The following SLC22A16 variants were observed in gnomAD, a reference collection of about 807,000 sequenced individuals.
SLC22A16 encodes WUGSC:RG331P03.1.
In SLC22A16, 53 loss-of-function variants were observed where a neutral mutation model predicts 52.9. The ratio of observed to expected loss-of-function variants is 1.00; its 90% confidence interval spans 0.80 to 1.26. The LOEUF (loss-of-function observed/expected upper bound fraction) is 1.26, where lower values mean the gene tolerates loss of function less well. Among genes scored for constraint, SLC22A16 ranks in the 50% most tolerant of loss-of-function variants. The probability of loss-of-function intolerance (pLI) is 0.00; values close to 1 mark genes in which losing one functional copy is unlikely to be tolerated. For synonymous variants in SLC22A16, 291 were observed against 268.8 expected (o/e 1.08, Z -0.81); for missense variants, 726 against 704.0 (o/e 1.03, Z -0.35).
intron 3 of SLC22A16, among the ~76,000 whole-genome samples, chr6:110,443,397 C>A (rs561167321): frequency 6.6e-6 from 1 of 152,000 alleles, no homozygotes; most frequent in African/African-American, 2.4e-5. Flanking sequence ...CAATCCAATT[C>A]AAAAATGGGC....
At chr6:110,467,061 A>G (rs1303190444) in intron 1 of SLC22A16, among the ~76,000 whole-genome samples, 1 of 152,244 alleles carries the variant, frequency 6.6e-6, no homozygotes, top group African/African-American at 2.4e-5. Context: ...GTTTTTAAAA[A>G]GACAGCTAAT....
chr6:110,441,594 G>A (rs1169360475), intron 4 of SLC22A16, among the ~76,000 whole-genome samples: 2 of 152,142 alleles, frequency 1.3e-5, no homozygotes, highest in Non-Finnish European at 2.9e-5. Context: ...CTTTCTGGAG[G>A]GCCAAAGAAT....
chr6:110,467,750 C>T (rs1450191664), intron 1 of SLC22A16, among the ~76,000 whole-genome samples: 1 of 152,244 alleles, frequency 6.6e-6, no homozygotes, highest in African/African-American at 2.4e-5. Context: ...TATACACACA[C>T]ATATTCATAT....
At chr6:110,469,414 T>C (rs1166967034) in intron 1 of SLC22A16, among the ~76,000 whole-genome samples, 1 of 152,060 alleles carries the variant, frequency 6.6e-6, no homozygotes, top group African/African-American at 2.4e-5. Flanking sequence ...AGCCAGGCAG[T>C]TGCGGGTGAC....
intron 3 of SLC22A16, 41 bp downstream of exon 3, chr6:110,446,832 A>G: frequency 6.4e-7 from 1 of 1,554,180 alleles, no homozygotes; most frequent in African/African-American, 1.4e-5. Flanking sequence ...TTTCCTATGA[A>G]AAACTGCAGC....
chr6:110,446,791 T>C (rs1562287193), intron 3 of SLC22A16, 82 bp downstream of exon 3: 1 of 1,246,536 alleles, frequency 8.0e-7, no homozygotes, highest in Non-Finnish European at 1.1e-6. Flanking sequence ...GCTCACTAGA[T>C]CTTAAATGAG....
chr6:110,436,712 T>G (rs1444752785), intron 5 of SLC22A16, among the ~76,000 whole-genome samples: 1 of 152,216 alleles, frequency 6.6e-6, no homozygotes, highest in Non-Finnish European at 1.5e-5. Context: ...TAAATTATCT[T>G]CAGAAAATAT....
chr6:110,433,667 A>G (rs747478370), intron 6 of SLC22A16, among the ~76,000 whole-genome samples: 1 of 152,240 alleles, frequency 6.6e-6, no homozygotes, highest in Non-Finnish European at 1.5e-5. Context: ...AAACCTTAAT[A>G]TCTTGTTTGT....
rs753640101 is a variant in SLC22A16, at chr6:110,476,517, C to G, written c.53+5G>C. Reference sequence around the variant, plus strand: ...GCGTGGCGCCGCGGGGCCCCTCCCCCATACCTGCCGAAGTGCCCCACGTGG... The same window carrying G: ...GCGTGGCGCCGCGGGGCCCCTCCCCGATACCTGCCGAAGTGCCCCACGTGG... On this transcript the variant is annotated splice_donor_5th_base_variant and intron_variant, in intron 1 of 7. Transcript: ENST00000368919. The G allele has an allele frequency of 4.1e-6, 6 of 1,477,976 alleles. No individual in the cohort carries two copies. Among genetic ancestry groups the G allele is most frequent in the African/African-American group, 3.1e-5 (2 of 64,358 alleles). 91.6% of individuals were successfully genotyped at this position (1,477,976 alleles called of 1,614,324 possible).
intron 1 of SLC22A16, among the ~76,000 whole-genome samples, chr6:110,461,662 C>T (rs1775889379): frequency 2.0e-5 from 3 of 152,146 alleles, no homozygotes; most frequent in African/African-American, 7.2e-5. Context: ...ATACACCCTA[C>T]ATATCACTGC....
At chr6:110,451,964 GT>G (rs2114970977) in intron 2 of SLC22A16, among the ~76,000 whole-genome samples, 1 of 152,304 alleles carries the variant, frequency 6.6e-6, no homozygotes, top group South Asian at 2.1e-4. Flanking sequence ...AATGAATCCA[GT>G]TGTATTTCCT....
chr6:110,461,241 C>T (rs1180560959), intron 1 of SLC22A16, among the ~76,000 whole-genome samples: 2 of 152,172 alleles, frequency 1.3e-5, no homozygotes, highest in African/African-American at 2.4e-5. Context: ...GGCTCTGACC[C>T]GAGGCCATTT....
Position 110,456,652 on chromosome 6 carries a change from G to C in SLC22A16, c.419C>G (p.Ala140Gly). Residue 140 changes from alanine (A) to glycine (G), a missense_variant, in exon 2 of 8, where the codon GCG becomes GGG. Transcript: ENST00000368919. The stretch of plus-strand genomic sequence containing the variant: ...ACAGACCAGGTTCCACTGGGTCACC[G>C]CAGTGCTTTTCCATGTGTTCTGGTC... ...IYDQNTWKSTAVTQWNLVCDR... is the reference protein window; with the variant it reads ...IYDQNTWKSTGVTQWNLVCDR... 6.2e-7 allele frequency: 1 copy of C among 1,614,138 alleles called. No homozygotes were observed. Among genetic ancestry groups the C allele is most frequent in the Non-Finnish European group, 8.5e-7 (1 of 1,180,026 alleles).
intron 2 of SLC22A16, chr6:110,455,507 T>G (rs1562293574): frequency 6.6e-6 from 1 of 152,276 alleles, no homozygotes; most frequent in South Asian, 2.1e-4. Context: ...TGTCTTTAGG[T>G]CCTCAGTGCC....
At chr6:110,438,129 G>A (rs1774807589) in intron 5 of SLC22A16, among the ~76,000 whole-genome samples, 1 of 151,968 alleles carries the variant, frequency 6.6e-6, no homozygotes, top group South Asian at 2.1e-4. Flanking sequence ...TACATTTACG[G>A]AAACTTGATG....
intron 7 of SLC22A16, among the ~76,000 whole-genome samples, chr6:110,427,657 G>A (rs1431722272): frequency 6.6e-6 from 1 of 152,036 alleles, no homozygotes; most frequent in Non-Finnish European, 1.5e-5. Flanking sequence ...GCACCACCAC[G>A]CTCGGCTAAT....
intron 2 of SLC22A16, among the ~76,000 whole-genome samples, chr6:110,447,863 A>G (rs1249899488): frequency 1.3e-5 from 2 of 152,202 alleles, no homozygotes; most frequent in East Asian, 3.8e-4. Context: ...CTCTCTGAGT[A>G]GCACCATTAT....
intron 3 of SLC22A16, among the ~76,000 whole-genome samples, chr6:110,445,215 TCTC>T (rs1472696089): frequency 6.6e-6 from 1 of 151,992 alleles, no homozygotes; most frequent in Non-Finnish European, 1.5e-5. Context: ...TCAATGCGTC[TCTC>T]CTCCTCTCTA....
At position 110,460,135 on chromosome 6, in the gene SLC22A16, T is replaced by G. The variant is rs1266267723; in HGVS notation, c.54-3118A>C. Reference sequence around the variant, plus strand: ...GCACCATTGACACATGTGATCTCCATCGCCCTTCTTCCTTTGCAGACCTGC... The same window carrying G: ...GCACCATTGACACATGTGATCTCCAGCGCCCTTCTTCCTTTGCAGACCTGC... On this transcript the variant is annotated intron_variant, in intron 1 of 7. Transcript: ENST00000368919. Among the ~76,000 whole-genome samples the G allele has an allele frequency of 3.3e-5, 5 of 152,192 alleles. No individual in the cohort carries two copies. The East Asian group carries it at 9.6e-4, about 29-fold the overall frequency.
Sources: gnomAD v4.1 joint callset for allele counts (sites outside exome capture counted in the v4.1 genomes callset) on GRCh38, gnomAD v4.1.1 for gene constraint, MANE v1.5 for transcripts, NCBI Gene and HGNC (gene_info 2026-07-23, HGNC 2026-07-21) for gene names.